CD48: variants seen among roughly 807,000 people sequenced by gnomAD.
The protein encoded by CD48 is CD48 molecule, also known as CD48 antigen.
In CD48, 20 loss-of-function variants were observed where a neutral mutation model predicts 22.0. The ratio of observed to expected loss-of-function variants is 0.91; its 90% CI spans 0.64 to 1.32. The LOEUF (loss-of-function observed/expected upper bound fraction) is 1.32, where lower values mean the gene tolerates loss of function less well. Among genes scored for constraint, CD48 ranks in the 40% most tolerant of loss-of-function variants. The pLI, the probability that CD48 is intolerant of heterozygous loss-of-function variation, is 0.00. For synonymous variants in CD48, 110 were observed against 110.1 expected, an observed-to-expected ratio of 1.00 and a Z score of 0.01; for missense variants, 307 against 286.5, an observed-to-expected ratio of 1.07 and a Z score of -0.52.
At position 160,681,255 on chromosome 1, in the gene CD48, T is replaced by C; in HGVS notation, c.599A>G (p.Asn200Ser). Residue 200 changes from asparagine (N) to serine (S), a missense_variant, in exon 3 of 4, where the codon AAT becomes AGT. By Grantham distance (46) the Asn-to-Ser change is conservative. Transcript: ENST00000368046. ...CGTGCCATTCTTGCTGCTCACAGAA[T>C]TGCTGACTTGGCAAGTATAACACCT... ...YSRCYTCQVS[N>S]SVSSKNGTVC... 6.2e-7 allele frequency: 1 copy of C among 1,614,188 alleles called. No individual in the cohort carries two copies. Among genetic ancestry groups the C allele is most frequent in the Non-Finnish European group, 8.5e-7 (1 of 1,180,024 alleles).
In CD48 at chr1:160,689,724, G is replaced by T. The variant is rs1459929598; in HGVS notation, c.83-4535C>A. On this transcript the variant is annotated intron_variant, in intron 1 of 3. Transcript: ENST00000368046. ...TCTGAAGGCAATCTCTGACACAGAT[G>T]TTTTTTGTCTGTGGTTTTAGTTGTC... is the stretch of plus-strand genomic sequence containing the variant. Among the ~76,000 whole-genome samples the T allele has an allele frequency of 1.3e-5, 2 of 152,170 alleles. 1 individual carries two copies. The highest frequency in any genetic ancestry group is 4.8e-5 in the African/African-American group (2 of 41,428).
At chr1:160,708,106 G>A (rs527682448) in intron 1 of CD48, among the ~76,000 whole-genome samples, 12 of 152,276 alleles carry the variant, frequency 7.9e-5, no homozygotes, top group South Asian at 4.1e-4. Context: ...GCTTCTGTAC[G>A]AGGAATTAGC....
At chr1:160,680,471 A>T (rs1661752587) in intron 3 of CD48, 1 of 524,074 alleles carries the variant, frequency 1.9e-6, no homozygotes. Context: ...GACTTGGGGA[A>T]GCTAAGTAAC....
chr1:160,703,099 C>G (rs1301175224), intron 1 of CD48, among the ~76,000 whole-genome samples: 1 of 152,122 alleles, frequency 6.6e-6, no homozygotes, highest in Non-Finnish European at 1.5e-5. Context: ...TGGGCATAAG[C>G]ATCAGAGAAA....
chr1:160,681,183 T>C lies in CD48; in HGVS notation c.652+19A>G. On this transcript the variant is annotated intron_variant, in intron 3 of 3. Coordinates refer to ENST00000368046, the MANE Select transcript of CD48 (RefSeq NM_001778.4). ...CCAGTTACCCTGTGCCCCCCTCAGCTCCCAGGGATCCTTCTTACCCAGGGT... is the reference window on the plus strand; with the variant it reads ...CCAGTTACCCTGTGCCCCCCTCAGCCCCCAGGGATCCTTCTTACCCAGGGT... 1 of 1,613,992 alleles carries C rather than the reference T, an allele frequency of 6.2e-7. No homozygotes were observed. The highest frequency in any genetic ancestry group is 2.2e-5 in the East Asian group (1 of 44,868).
chr1:160,700,742 T>C (rs1167953703), intron 1 of CD48, among the ~76,000 whole-genome samples: 2 of 152,188 alleles, frequency 1.3e-5, no homozygotes, highest in African/African-American at 2.4e-5. Flanking sequence ...AAATAATTAA[T>C]GTTACCTAAA....
Position 160,684,990 on chromosome 1 carries a change from C to T in CD48, c.282G>A (p.Leu94=), listed in dbSNP as rs1334323456. The T allele has an allele frequency of 1.2e-6, 2 of 1,614,194 alleles. No individual in the cohort carries two copies. The highest frequency in any genetic ancestry group is 8.5e-7 in the Non-Finnish European group (1 of 1,180,038). The change falls in exon 2 of 4, where the codon CTG becomes CTA. Residue 94 remains leucine, a synonymous_variant. Transcript: ENST00000368046. Reference sequence around the variant, plus strand: ...CCTCTTTCTGGACCTTAGAGATGTACAGTGCGCCACTCTGAGGATCAAGTC... The same window carrying T: ...CCTCTTTCTGGACCTTAGAGATGTATAGTGCGCCACTCTGAGGATCAAGTC... ...RVRLDPQSGA[L]YISKVQKEDN... is the part of the protein sequence containing the mutation.
At chr1:160,694,286 T>C (rs517906) in intron 1 of CD48, among the ~76,000 whole-genome samples, 65,951 of 147,588 alleles carry the variant, frequency 0.45, 14,210 homozygotes, top group East Asian at 0.68. Context: ...AAAGGCTGCA[T>C]ATTGGGCAAG....
intron 3 of CD48, chr1:160,680,428 A>G (rs1661751381): frequency 4.1e-6 from 1 of 243,106 alleles, no homozygotes; most frequent in Admixed American, 6.5e-5. Context: ...CGAGATAGGA[A>G]CTGTTATTTT....
chr1:160,681,068 C>T (rs770648800), intron 3 of CD48, 134 bp downstream of exon 3: 16 of 1,526,996 alleles, frequency 1.0e-5, no homozygotes, highest in Non-Finnish European at 1.3e-5. Flanking sequence ...ACCCACGTCT[C>T]CCAGCTCTCC....
At chr1:160,692,235 T>G (rs1273158857) in intron 1 of CD48, 1 of 152,010 alleles carries the variant, frequency 6.6e-6, no homozygotes, top group Non-Finnish European at 1.5e-5. Context: ...TAGATTGTAA[T>G]GAAAAGACAA....
intron 1 of CD48, among the ~76,000 whole-genome samples, chr1:160,708,477 T>C (rs1662856382): frequency 6.6e-6 from 1 of 152,048 alleles, no homozygotes; most frequent in Admixed American, 6.6e-5. Flanking sequence ...ATTGTGGAAA[T>C]TGGTGATAAG....
intron 1 of CD48, among the ~76,000 whole-genome samples, chr1:160,704,448 C>A (rs1028302773): frequency 3.3e-5 from 5 of 152,156 alleles, no homozygotes; most frequent in Admixed American, 3.3e-4. Context: ...GTTCCCGCTA[C>A]CCACTTCAGT....
At chr1:160,708,308 C>T (rs185220377) in intron 1 of CD48, among the ~76,000 whole-genome samples, 1 of 152,306 alleles carries the variant, frequency 6.6e-6, no homozygotes, top group Admixed American at 6.5e-5. Flanking sequence ...TTTAGGCTCA[C>T]AGCTTCTGCT....
intron 1 of CD48, among the ~76,000 whole-genome samples, chr1:160,709,641 G>A (rs1387095284): frequency 1.3e-5 from 2 of 152,196 alleles, no homozygotes; most frequent in African/African-American, 4.8e-5. Context: ...TCTGAGGAGA[G>A]AAGGAAGAAG....
rs529932483 is a variant in CD48 at position 160,701,241 on chromosome 1, C to T, written c.82+10441G>A. ...TTTTAGGTATTAAAGCCAGGTTGGA[C>T]GGCCCCCATAGGTTTAATTACAGCA... On this transcript the variant is annotated intron_variant, in intron 1 of 3. Transcript: ENST00000368046. Among the ~76,000 whole-genome samples, 51 of 121,662 alleles carry T rather than the reference C, an allele frequency of 4.2e-4. 1 individual carries two copies. Among genetic ancestry groups the T allele is most frequent in the African/African-American group, 1.3e-3 (41 of 32,782 alleles). 79.8% of individuals were successfully genotyped at this position (121,662 alleles called of 152,430 possible).
chr1:160,688,222 G>T (rs999815466), intron 1 of CD48, among the ~76,000 whole-genome samples: 4 of 152,206 alleles, frequency 2.6e-5, no homozygotes, highest in Non-Finnish European at 4.4e-5. Context: ...CATTCCATCA[G>T]TGGTGGCCAT....
intron 1 of CD48, among the ~76,000 whole-genome samples, chr1:160,693,906 C>T (rs919041310): frequency 7.2e-5 from 11 of 152,278 alleles, no homozygotes; most frequent in African/African-American, 2.7e-4. Context: ...AAGCCAGTTA[C>T]CACAGTACAA....
intron 1 of CD48, among the ~76,000 whole-genome samples, chr1:160,704,969 G>A (rs1396192275): frequency 2.6e-5 from 4 of 152,138 alleles, no homozygotes; most frequent in African/African-American, 4.8e-5. Context: ...CTAAACAAGA[G>A]CTGTGGAATA....
Sources: allele counts gnomAD v4.1 joint callset (sites outside exome capture counted in the v4.1 genomes callset), GRCh38; gene constraint gnomAD v4.1.1; transcripts MANE v1.5; gene names NCBI Gene and HGNC (gene_info 2026-07-23, HGNC 2026-07-21).